The following PHKB variants were observed in gnomAD, a reference collection of about 807,000 sequenced individuals.
PHKB encodes phosphorylase b kinase regulatory subunit beta.
In PHKB, 122 loss-of-function variants were observed where a neutral mutation model predicts 152.1. The ratio of observed to expected loss-of-function variants is 0.80; its 90% CI spans 0.69 to 0.93. PHKB has a LOEUF of 0.93. Among genes scored for constraint, PHKB ranks in the 40% least tolerant of loss-of-function variants. The pLI is 0.00. For missense variants in PHKB, 1,304 were observed against 1,328.4 expected (o/e 0.98, Z 0.29); for synonymous variants, 436 against 464.9 (o/e 0.94, Z 0.80).
chr16:47,554,302 CT>C (rs991423957), intron 7 of PHKB, among the ~76,000 whole-genome samples: 2 of 152,174 alleles, frequency 1.3e-5, no homozygotes, highest in African/African-American at 4.8e-5. Flanking sequence ...TTCCCCATGA[CT>C]TTGTTTACAC....
chr16:47,689,529 A>G (rs1409398086), intron 27 of PHKB, among the ~76,000 whole-genome samples: 1 of 152,182 alleles, frequency 6.6e-6, no homozygotes, highest in African/African-American at 2.4e-5. Context: ...TTTGGCAGAT[A>G]GGATTGGGTT....
intron 4 of PHKB, among the ~76,000 whole-genome samples, chr16:47,504,434 T>C (rs946919387): frequency 1.3e-5 from 2 of 152,216 alleles, no homozygotes; most frequent in African/African-American, 2.4e-5. Context: ...GTAAACACTT[T>C]AGGTTTACAT....
intron 26 of PHKB, among the ~76,000 whole-genome samples, chr16:47,680,122 C>G (rs1253748196): frequency 6.6e-6 from 1 of 152,200 alleles, no homozygotes; most frequent in Non-Finnish European, 1.5e-5. Context: ...ATGAAGCCCA[C>G]TTGATCATGG....
chr16:47,493,361 C>G (rs1970182006), intron 1 of PHKB, among the ~76,000 whole-genome samples: 1 of 152,188 alleles, frequency 6.6e-6, no homozygotes, highest in Non-Finnish European at 1.5e-5. Context: ...GTCAGAACCT[C>G]TTTTAGAAAC....
intron 3 of PHKB, among the ~76,000 whole-genome samples, chr16:47,500,726 A>G (rs545890386): frequency 2.0e-4 from 31 of 152,276 alleles, no homozygotes; most frequent in African/African-American, 7.0e-4. Context: ...ATAGTTAGAC[A>G]ATACAAAATT....
intron 7 of PHKB, chr16:47,566,196 C>T (rs1971563244): frequency 2.8e-6 from 2 of 720,386 alleles, no homozygotes; most frequent in African/African-American, 3.5e-5. Flanking sequence ...ATACTCATCA[C>T]AATACCAATC....
chr16:47,473,894 T>C (rs190810941), intron 1 of PHKB, among the ~76,000 whole-genome samples: 61 of 152,300 alleles, frequency 4.0e-4, no homozygotes, highest in African/African-American at 1.3e-3. Context: ...AAGTCTACTC[T>C]TCTAGCAATT....
chr16:47,502,281 G>C (rs1457086409), intron 3 of PHKB, among the ~76,000 whole-genome samples: 1 of 152,122 alleles, frequency 6.6e-6, no homozygotes, highest in Non-Finnish European at 1.5e-5. Flanking sequence ...AAAGCAACTT[G>C]TGGACAGAAG....
chr16:47,687,386 C>T (rs993956431), intron 26 of PHKB, among the ~76,000 whole-genome samples: 2 of 152,098 alleles, frequency 1.3e-5, no homozygotes, highest in Non-Finnish European at 2.9e-5. Context: ...GCTTGTGTAA[C>T]GTTTTTGCTA....
intron 9 of PHKB, among the ~76,000 whole-genome samples, chr16:47,588,048 T>C (rs1971964270): frequency 6.6e-6 from 1 of 152,160 alleles, no homozygotes; most frequent in Non-Finnish European, 1.5e-5. Flanking sequence ...TGAATTATTT[T>C]TTTGCCATGG....
Position 47,699,330 on chromosome 16 carries a change from C to G in PHKB, c.3246C>G (p.Val1082=). Residue 1082 remains valine, a synonymous_variant, in exon 31 of 31, where the codon GTC becomes GTG. Transcript: ENST00000323584. ...AVMNLLLEGE[V]KPNNDDPCLI... ...TGAATCTGCTGCTGGAAGGAGAAGT[C>G]AAGCCAAACAATGATGACCCGTGTC... 1 of 1,614,160 alleles carries G rather than the reference C, an allele frequency of 6.2e-7. No homozygotes were observed. Among genetic ancestry groups the G allele is most frequent in the Non-Finnish European group, 8.5e-7 (1 of 1,180,018 alleles).
chr16:47,696,595 T>C (rs1974151886), intron 29 of PHKB, 107 bp downstream of exon 29: 2 of 739,500 alleles, frequency 2.7e-6, no homozygotes, highest in Non-Finnish European at 4.9e-6. Flanking sequence ...TTCTTTCCAG[T>C]ACCCCGATCT....
intron 13 of PHKB, among the ~76,000 whole-genome samples, chr16:47,605,131 AGTAAT>A (rs928582194): frequency 1.3e-5 from 2 of 152,236 alleles, no homozygotes; most frequent in Non-Finnish European, 2.9e-5. Flanking sequence ...TGGAAATTAA[AGTAAT>A]GATTATGGCA....
intron 14 of PHKB, among the ~76,000 whole-genome samples, chr16:47,633,551 A>T (rs1972864149): frequency 6.6e-6 from 1 of 152,212 alleles, no homozygotes; most frequent in Non-Finnish European, 1.5e-5. Flanking sequence ...TAGTAGGGAC[A>T]AAAGATATTT....
chr16:47,517,903 A>G (rs1970624461), intron 6 of PHKB, among the ~76,000 whole-genome samples: 1 of 152,168 alleles, frequency 6.6e-6, no homozygotes, highest in Non-Finnish European at 1.5e-5. Flanking sequence ...TCCGCTCACC[A>G]TCTTTTTCCT....
chr16:47,688,698 T>G (rs1430872830), intron 26 of PHKB, among the ~76,000 whole-genome samples: 2 of 150,528 alleles, frequency 1.3e-5, no homozygotes, highest in African/African-American at 4.9e-5. Flanking sequence ...TTTTTTTTTT[T>G]GGCATGTATC....
chr16:47,512,203 A>G (rs1970522527), intron 5 of PHKB, among the ~76,000 whole-genome samples: 2 of 152,236 alleles, frequency 1.3e-5, no homozygotes, highest in Admixed American at 1.3e-4. Context: ...TTCAAATTAC[A>G]TTCTATAAAT....
chr16:47,620,641 C>T (rs112402477), intron 14 of PHKB, among the ~76,000 whole-genome samples: 16 of 152,114 alleles, frequency 1.1e-4, no homozygotes, highest in Admixed American at 3.3e-4. Context: ...TTGGGGAGGC[C>T]GAGGCAAGTG....
At chr16:47,639,349 G>A (rs565903887) in intron 14 of PHKB, among the ~76,000 whole-genome samples, 1 of 152,310 alleles carries the variant, frequency 6.6e-6, no homozygotes, top group East Asian at 1.9e-4. Flanking sequence ...AGAACAGATA[G>A]TTTCAACTTT....
Sources: gnomAD v4.1 joint callset for allele counts (sites outside exome capture counted in the v4.1 genomes callset) on GRCh38, gnomAD v4.1.1 for gene constraint, MANE v1.5 for transcripts, NCBI Gene and HGNC (gene_info 2026-07-23, HGNC 2026-07-21) for gene names.